Variants in TJP1 observed in about 807,000 individuals in gnomAD.
The protein encoded by TJP1 is tight junction protein 1, also known as tight junction protein ZO-1.
Under a neutral mutation model 194.2 loss-of-function variants are expected in TJP1, and 43 were observed. That is an observed-to-expected ratio of 0.22 (90% CI 0.17 to 0.29). The LOEUF is 0.29. Among genes scored for constraint, TJP1 ranks in the 10% least tolerant of loss-of-function variants. TJP1 has a pLI of 1.00. For missense variants in TJP1, 1,971 were observed against 2,185.7 expected (o/e 0.90, Z 1.96); for synonymous variants, 801 against 779.0 (o/e 1.03, Z -0.47).
At chr15:29,914,810 A>G (rs2054131043) in intron 2 of TJP1, among the ~76,000 whole-genome samples, 1 of 152,036 alleles carries the variant, frequency 6.6e-6, no homozygotes, top group Admixed American at 6.6e-5. Flanking sequence ...ACTGAGAACT[A>G]CGGCACGCTT....
chr15:29,701,769 CG>C, intron 27 of TJP1, 80 bp from the exon 28 acceptor site: 1 of 989,766 alleles, frequency 1.0e-6, no homozygotes, highest in Non-Finnish European at 1.6e-6. Flanking sequence ...AGGGCAAATA[CG>C]TATATTTAGA....
chr15:29,835,230 T>C (rs1328299718), intron 2 of TJP1, among the ~76,000 whole-genome samples: 1 of 152,248 alleles, frequency 6.6e-6, no homozygotes, highest in Non-Finnish European at 1.5e-5. Flanking sequence ...TATATATTAA[T>C]ACTTTGTTTC....
In TJP1 at chr15:29,894,774, G is replaced by A. The variant is rs149293417; in HGVS notation, c.306+61458C>T. 2.3e-3 allele frequency among the ~76,000 whole-genome samples: 356 copies of A among 152,322 alleles called. 2 individuals are homozygous for A. Among genetic ancestry groups the A allele is most frequent in the African/African-American group, 8.2e-3 (340 of 41,570 alleles). On this transcript the variant is annotated intron_variant, in intron 2 of 28. Transcript: ENST00000356107. ...AGCTGCTACATTCTTCAGAATCTAG[G>A]TGGGTGTATCAACACCCCTACAGCT...
chr15:29,702,513 C>G (rs1288276335), intron 27 of TJP1, among the ~76,000 whole-genome samples: 1 of 152,152 alleles, frequency 6.6e-6, no homozygotes, highest in Non-Finnish European at 1.5e-5. Context: ...ACAGGAATGA[C>G]CCTGCCCCTG....
upstream of TJP1, among the ~76,000 whole-genome samples, chr15:29,826,079 A>G (rs1402776454): frequency 2.0e-5 from 3 of 152,188 alleles, no homozygotes; most frequent in Non-Finnish European, 4.4e-5. Flanking sequence ...CAAATTTTAT[A>G]TTATGTACAT....
At chr15:29,857,572 T>C (rs1334646387) in intron 2 of TJP1, among the ~76,000 whole-genome samples, 2 of 152,082 alleles carry the variant, frequency 1.3e-5, no homozygotes, top group Non-Finnish European at 1.5e-5. Context: ...GAATAAAATA[T>C]GTATGTGAAG....
intron 2 of TJP1, among the ~76,000 whole-genome samples, chr15:29,900,779 T>C (rs1211035761): frequency 6.6e-6 from 1 of 152,218 alleles, no homozygotes; most frequent in Non-Finnish European, 1.5e-5. Flanking sequence ...ATTTCTACTT[T>C]GTGCTTTGCC....
rs1191825309 is a variant in TJP1, at chr15:29,822,106, C to G, written c.-78G>C. 1 of 1,231,276 alleles carries G rather than the reference C, an allele frequency of 8.1e-7. No individual in the cohort carries two copies. Among genetic ancestry groups the G allele is most frequent in the Non-Finnish European group, 1.0e-6 (1 of 985,050 alleles). 76.3% of individuals were successfully genotyped at this position (1,231,276 alleles called of 1,614,324 possible). Reference sequence around the variant, plus strand: ...GCTGGCCCGCCCGCTCCTCACGCCACAGCCCAAATAAACATCTCCCGAGAG... The same window carrying G: ...GCTGGCCCGCCCGCTCCTCACGCCAGAGCCCAAATAAACATCTCCCGAGAG... On this transcript the variant is annotated 5_prime_UTR_variant, in exon 1 of 28. Transcript: ENST00000614355.
chr15:29,922,366 A>G (rs2054393647), intron 2 of TJP1, among the ~76,000 whole-genome samples: 1 of 151,468 alleles, frequency 6.6e-6, no homozygotes, highest in East Asian at 2.0e-4. Context: ...AGTTGTGCAA[A>G]TTAAAATATA....
At chr15:29,725,238 TC>T (rs1222760212) in intron 18 of TJP1, among the ~76,000 whole-genome samples, 1 of 152,192 alleles carries the variant, frequency 6.6e-6, no homozygotes, top group Non-Finnish European at 1.5e-5. Context: ...GTATGCATGG[TC>T]CATCCCCCAG....
intron 5 of TJP1, among the ~76,000 whole-genome samples, chr15:29,763,133 A>G (rs1361001793): frequency 6.6e-6 from 1 of 152,210 alleles, no homozygotes; most frequent in Non-Finnish European, 1.5e-5. Context: ...AGATGTGGGC[A>G]GGAGTTATAA....
intron 2 of TJP1, among the ~76,000 whole-genome samples, chr15:29,838,214 C>T (rs971906501): frequency 2.0e-5 from 3 of 152,180 alleles, no homozygotes; most frequent in African/African-American, 7.2e-5. Context: ...CACTGGAGGC[C>T]ATGAGTTCAA....
chr15:29,968,707 AG>A lies in TJP1; in HGVS notation c.132del (p.Ser45ProfsTer15), dbSNP rs1475917089. ...AGCGGCAGGAGGCTGCCGCGGTTGG[AG>A]GGGGTGACGCCGATGGCCATCTGCA... On this transcript the variant is annotated frameshift_variant, in exon 1 of 29. Coordinates refer to the TJP1 transcript ENST00000356107. LOFTEE classifies it high-confidence loss of function. The A allele has an allele frequency of 1.5e-5, 18 of 1,196,760 alleles. No homozygotes were observed. Among genetic ancestry groups the A allele is most frequent in the South Asian group, 2.9e-5 (2 of 69,914 alleles). 74.1% of individuals were successfully genotyped at this position (1,196,760 alleles called of 1,614,324 possible).
At chr15:29,949,511 TCCAC>T (rs2055494814) in intron 2 of TJP1, among the ~76,000 whole-genome samples, 2 of 18,130 alleles carry the variant, frequency 1.1e-4, no homozygotes, top group African/African-American at 2.2e-4. Flanking sequence ...AACCACCACC[TCCAC>T]CTCCACCACC....
intron 2 of TJP1, among the ~76,000 whole-genome samples, chr15:29,790,543 C>G (rs534774745): frequency 8.0e-4 from 121 of 152,190 alleles, no homozygotes; most frequent in Non-Finnish European, 1.4e-3. Flanking sequence ...TTTGCTGTTA[C>G]GAACATTTCA....
rs1405450655 is a variant in TJP1, at chr15:29,822,311, C to G, written c.-283G>C. 9.0e-7 allele frequency: 1 copy of G among 1,112,266 alleles called. No homozygotes were observed. The highest frequency in any genetic ancestry group is 4.7e-5 in the East Asian group (1 of 21,490). 68.9% of individuals were successfully genotyped at this position (1,112,266 alleles called of 1,614,324 possible). ...CCTCCCGCAGCTTTCGCAGCCCGGC[C>G]ACGTCGGCCTCGCCCGGTCGCCCGC... On this transcript the variant is annotated 5_prime_UTR_variant, in exon 1 of 28. Transcript: ENST00000614355.
chr15:29,835,650 C>A (rs369025135), intron 2 of TJP1, among the ~76,000 whole-genome samples: 11 of 148,598 alleles, frequency 7.4e-5, no homozygotes, highest in Admixed American at 1.3e-4. Flanking sequence ...ACCCTAGCTG[C>A]AAAAAAAAAA....
chr15:29,963,989 A>T (rs2152324779), intron 1 of TJP1, among the ~76,000 whole-genome samples: 1 of 151,484 alleles, frequency 6.6e-6, no homozygotes, highest in East Asian at 1.9e-4. Flanking sequence ...TGCAAAACTC[A>T]AGACTGCTGA....
chr15:29,814,349 C>T (rs1163828233), intron 1 of TJP1, among the ~76,000 whole-genome samples: 2 of 152,118 alleles, frequency 1.3e-5, no homozygotes, highest in Non-Finnish European at 2.9e-5. Context: ...CAGCGTATAG[C>T]AGTTGAAAAC....
Sources: allele counts gnomAD v4.1 joint callset (sites outside exome capture counted in the v4.1 genomes callset), GRCh38; gene constraint gnomAD v4.1.1; transcripts MANE v1.5; gene names NCBI Gene and HGNC (gene_info 2026-07-23, HGNC 2026-07-21).